Variants in RASGRP1 observed in about 807,000 individuals in gnomAD.
RASGRP1 encodes RAS guanyl releasing protein 1, also known as RAS guanyl-releasing protein 1.
Under a neutral mutation model 95.1 loss-of-function variants are expected in RASGRP1, and 37 were observed. That is an observed-to-expected ratio of 0.39 (90% CI 0.30 to 0.51). The LOEUF is 0.51. RASGRP1 is among the 20% of genes least tolerant of loss of function. The pLI, the probability that RASGRP1 is intolerant of heterozygous loss-of-function variation, is 0.80. For missense variants in RASGRP1, 711 were observed against 965.4 expected, an observed-to-expected ratio of 0.74 and a Z score of 3.49; for synonymous variants, 325 against 353.4, an observed-to-expected ratio of 0.92 and a Z score of 0.90.
intron 3 of RASGRP1, 154 bp downstream of exon 3, chr15:38,526,145 C>A: frequency 1.6e-6 from 1 of 636,746 alleles, no homozygotes; most frequent in Non-Finnish European, 2.8e-6. Context: ...AACACACCCC[C>A]AACACATGCA....
intron 2 of RASGRP1, among the ~76,000 whole-genome samples, chr15:38,542,846 TATGTGTATATATATACAC>T (rs1892933472): frequency 8.7e-5 from 11 of 126,774 alleles, no homozygotes; most frequent in Non-Finnish European, 1.4e-4. Context: ...TATATATATA[TATGTGTATATATATACAC>T]ATATATGTGT....
In RASGRP1 at chr15:38,512,771, C is replaced by T. The variant is rs1891587999; in HGVS notation, c.849+12G>A. On this transcript the variant is annotated intron_variant, in intron 7 of 16. Transcript: ENST00000310803. ...TATAGCCCAAGCCAAATGTCTTAAA[C>T]CAGTTATTCACCTGAGCCACCTGGA... is the stretch of plus-strand genomic sequence containing the variant. 1 of 1,613,342 alleles carries T rather than the reference C, an allele frequency of 6.2e-7. No individual in the cohort carries two copies. Among genetic ancestry groups the T allele is most frequent in the African/African-American group, 1.3e-5 (1 of 74,900 alleles).
chr15:38,546,273 G>A (rs930159155), intron 2 of RASGRP1, among the ~76,000 whole-genome samples: 5 of 151,910 alleles, frequency 3.3e-5, no homozygotes, highest in South Asian at 2.1e-4. Context: ...GCTGGAGTGC[G>A]GTGGCGCAAT....
chr15:38,503,159 C>G, intron 11 of RASGRP1, 113 bp downstream of exon 11: 1 of 816,170 alleles, frequency 1.2e-6, no homozygotes, highest in South Asian at 1.7e-5. Flanking sequence ...GTAAGTGGTT[C>G]AAGTTTCGTG....
chr15:38,507,854 A>G lies in RASGRP1; in HGVS notation c.1114T>C (p.Tyr372His). Residue 372 changes from tyrosine (Y) to histidine (H), a missense_variant, in exon 9 of 17, where the codon TAT becomes CAT. Physicochemically the swap from Tyr to His is moderately conservative, Grantham distance 83 (BLOSUM62 2). Transcript: ENST00000310803. ...ACGTTCACTTTCCCGTCCTCCAGAT[A>G]GTCAGGCATGGCTTCATACAGGGAG... Reference protein sequence around the residue: ...LISLYEAMPDYLEDGKVNVHK... With the variant: ...LISLYEAMPDHLEDGKVNVHK... 6.2e-7 allele frequency: 1 copy of G among 1,613,746 alleles called. No homozygotes were observed. The highest frequency in any genetic ancestry group is 1.1e-5 in the South Asian group (1 of 90,996).
chr15:38,518,250 G>A (rs2141126098), intron 5 of RASGRP1, 42 bp downstream of exon 5: 3 of 1,591,228 alleles, frequency 1.9e-6, no homozygotes, highest in East Asian at 2.3e-5. Context: ...TATTACAGGA[G>A]GGAGGTGGTT....
In RASGRP1 at chr15:38,507,830, C is replaced by A; in HGVS notation, c.1138G>T (p.Val380Phe). The change falls in exon 9 of 17, where the codon GTC (valine) becomes TTC (phenylalanine). Residue 380 changes from valine to phenylalanine, a missense_variant. Val to Phe is a conservative substitution (Grantham distance 50, BLOSUM62 -1). Transcript: ENST00000310803. ...PDYLEDGKVN[V>F]HKLLALYNHI... ...TTGTATAGGGCCAGTAGCTTATGGA[C>A]GTTCACTTTCCCGTCCTCCAGATAG... 6.2e-7 allele frequency: 1 copy of A among 1,613,354 alleles called. No homozygotes were observed. The highest frequency in any genetic ancestry group is 8.5e-7 in the Non-Finnish European group (1 of 1,179,722).
chr15:38,496,408 C>T (rs937689925), intron 15 of RASGRP1, among the ~76,000 whole-genome samples: 1 of 152,202 alleles, frequency 6.6e-6, no homozygotes, highest in African/African-American at 2.4e-5. Flanking sequence ...GAGGAGAAAT[C>T]TCTAACAACT....
intron 8 of RASGRP1, among the ~76,000 whole-genome samples, chr15:38,508,766 C>G (rs567315066): frequency 1.3e-5 from 2 of 152,338 alleles, no homozygotes; most frequent in East Asian, 3.9e-4. Context: ...GTTTTCTTTT[C>G]AATCACTTGT....
At chr15:38,494,855 T>C in intron 15 of RASGRP1, 88 bp from the exon 16 acceptor site, 1 of 1,142,104 alleles carries the variant, frequency 8.8e-7, no homozygotes, top group Non-Finnish European at 1.1e-6. Flanking sequence ...AGACCTTTCT[T>C]ATTGTTACTG....
chr15:38,502,260 C>A (rs1891061170), intron 12 of RASGRP1, 52 bp downstream of exon 12: 1 of 1,308,658 alleles, frequency 7.6e-7, no homozygotes, highest in Non-Finnish European at 1.1e-6. Context: ...ACCTATAAAC[C>A]TATTCTCACC....
In RASGRP1 at chr15:38,490,557, A is replaced by C. The variant is rs762219429; in HGVS notation, c.2391T>G (p.Ser797=). The C allele has an allele frequency of 2.5e-6, 4 of 1,612,270 alleles. No homozygotes were observed. Among genetic ancestry groups the C allele is most frequent in the Non-Finnish European group, 3.4e-6 (4 of 1,179,030 alleles). Residue 797 remains serine (S), a synonymous_variant, in exon 17 of 17, where the codon TCT becomes TCG. Transcript: ENST00000310803. ...ATTGTGCTACTTAGTTTCTGGGCTA[A>C]GAACAGTCACCCTGCTCCATTTGAG... is the stretch of plus-strand genomic sequence containing the variant. ...VLAQMEQGDC[S]
Position 38,559,857 on chromosome 15 carries a change from G to C in RASGRP1, c.184C>G (p.Leu62Val). 6.2e-7 allele frequency: 1 copy of C among 1,614,018 alleles called. No individual in the cohort carries two copies. Among genetic ancestry groups the C allele is most frequent in the African/African-American group, 1.3e-5 (1 of 75,054 alleles). Residue 62 changes from leucine to valine, a missense_variant, in exon 2 of 17, where the codon CTG (leucine) becomes GTG (valine). Leu to Val is a conservative substitution (Grantham distance 32). This residue lies in a region of RASGRP1 where 491 missense variants were observed against 676.6 expected (regional missense o/e 0.73). Transcript: ENST00000310803. Reference sequence around the variant, plus strand: ...ATGCAGCTGTCAATGAGATCGTCCAGGCTGGCTCCTTTGGCTAAATGTCCC... The same window carrying C: ...ATGCAGCTGTCAATGAGATCGTCCACGCTGGCTCCTTTGGCTAAATGTCCC... ...SLGHLAKGAS[L>V]DDLIDSCIQS...
chr15:38,560,809 C>T (rs1893774306), intron 1 of RASGRP1, among the ~76,000 whole-genome samples: 1 of 152,146 alleles, frequency 6.6e-6, no homozygotes, highest in African/African-American at 2.4e-5. Flanking sequence ...GAGCGTTGTT[C>T]CAGCACTCAG....
At chr15:38,519,250 G>T in intron 4 of RASGRP1, 59 bp downstream of exon 4, 1 of 1,411,724 alleles carries the variant, frequency 7.1e-7, no homozygotes, top group Non-Finnish European at 1.0e-6. Flanking sequence ...AAAGTCCCTT[G>T]CTTCACCTTT....
intron 10 of RASGRP1, chr15:38,503,593 A>G (rs1317386131): frequency 1.6e-5 from 9 of 555,462 alleles, no homozygotes; most frequent in Non-Finnish European, 2.8e-5. Flanking sequence ...CTTCACATAC[A>G]TTATCTGCAG....
rs1490332709 is a variant in RASGRP1 at position 38,559,862 on chromosome 15, G to A, written c.179C>T (p.Ala60Val). 3.7e-6 allele frequency: 6 copies of A among 1,613,992 alleles called. No individual in the cohort carries two copies. The highest frequency in any genetic ancestry group is 4.2e-6 in the Non-Finnish European group (5 of 1,179,870). Residue 60 changes from alanine (A) to valine (V), a missense_variant, in exon 2 of 17, where the codon GCC becomes GTC. Physicochemically the swap from Ala to Val is moderately conservative, Grantham distance 64 (BLOSUM62 0). Around this residue, in one of 3 missense-constraint regions of RASGRP1, gnomAD observed 491 missense variants for 676.6 expected, o/e 0.73. Transcript: ENST00000310803. ...GCTGTCAATGAGATCGTCCAGGCTG[G>A]CTCCTTTGGCTAAATGTCCCAGAGA... The part of the protein sequence containing the change: ...MVSLGHLAKG[A>V]SLDDLIDSCI...
At chr15:38,500,020 A>G in intron 14 of RASGRP1, 83 bp downstream of exon 14, 1 of 1,405,462 alleles carries the variant, frequency 7.1e-7, no homozygotes. Flanking sequence ...GCCTTTATAA[A>G]TTACCCAGTC....
At chr15:38,511,540 A>G in intron 8 of RASGRP1, 64 bp downstream of exon 8, 1 of 1,301,546 alleles carries the variant, frequency 7.7e-7, no homozygotes, top group Admixed American at 1.7e-5. Context: ...CCCACCAAGG[A>G]GAAAATGTTG....
Sources: gnomAD v4.1 joint callset for allele counts (sites outside exome capture counted in the v4.1 genomes callset) on GRCh38, gnomAD v4.1.1 for gene constraint, gnomAD v4.1.1 regional missense constraint, MANE v1.5 for transcripts, NCBI Gene and HGNC (gene_info 2026-07-23, HGNC 2026-07-21) for gene names.